Variants in CEP120 observed in about 807,000 individuals in gnomAD.
CEP120 encodes centrosomal protein 120, also known as centrosomal protein of 120 kDa.
A neutral mutation model predicts 126.5 loss-of-function variants in CEP120; 113 were observed. That is an observed-to-expected ratio of 0.89 (90% confidence interval 0.77 to 1.04). CEP120 has a LOEUF of 1.04. CEP120 is among the 50% of genes least tolerant of loss of function. The pLI, the probability that CEP120 is intolerant of heterozygous loss-of-function variation, is 0.00. For synonymous variants in CEP120, 400 were observed against 394.3 expected (o/e 1.01, Z -0.17); for missense variants, 1,230 against 1,155.7 (o/e 1.06, Z -0.93).
rs917065381 is a variant in CEP120, at chr5:123,423,117, C to G, written c.-119G>C. 6.1e-6 allele frequency: 5 copies of G among 815,526 alleles called. No homozygotes were observed. The highest frequency in any genetic ancestry group is 6.1e-6 in the Non-Finnish European group (3 of 488,016). The allele number at this position is 815,526 out of a possible 1,614,324, so 50.5% of individuals were successfully genotyped here. A position where few individuals can be genotyped will look rare whatever the true frequency, so the allele number is the denominator to read the frequency against. ...CTGCCCGCCCCCGGTCCCTGATGCC[C>G]GGACCCCGCTCCGCAGCCAGGTCCC... On this transcript the variant is annotated 5_prime_UTR_variant, in exon 1 of 20. Transcript: ENST00000306467.
intron 4 of CEP120, among the ~76,000 whole-genome samples, chr5:123,402,799 T>G (rs1352694520): frequency 6.6e-6 from 1 of 152,372 alleles, no homozygotes; most frequent in Middle Eastern, 3.4e-3. Flanking sequence ...GTGTTGAAAC[T>G]TAATGGCCAA....
chr5:123,384,904 C>A, intron 11 of CEP120, 47 bp downstream of exon 11: 2 of 1,481,878 alleles, frequency 1.3e-6, no homozygotes, highest in Non-Finnish European at 1.8e-6. Flanking sequence ...AAAATCATTC[C>A]ATGAATTGAA....
intron 4 of CEP120, chr5:123,401,911 T>G: frequency 6.4e-7 from 1 of 1,557,428 alleles, no homozygotes; most frequent in South Asian, 1.1e-5. Flanking sequence ...CTAAGGTTGT[T>G]GATGTAGCTC....
chr5:123,403,877 T>C (rs1211670601), intron 4 of CEP120: 1 of 196,870 alleles, frequency 5.1e-6, no homozygotes, highest in Non-Finnish European at 1.1e-5. Context: ...TACACAGATA[T>C]AACAATTCAA....
intron 18 of CEP120, among the ~76,000 whole-genome samples, chr5:123,362,507 G>A (rs538274206): frequency 9.9e-5 from 15 of 151,754 alleles, no homozygotes; most frequent in Middle Eastern, 3.4e-3. Context: ...AAGTAACTGC[G>A]GTTTTTGCCG....
At chr5:123,386,768 G>C in intron 9 of CEP120, 101 bp from the exon 10 acceptor site, 1 of 880,248 alleles carries the variant, frequency 1.1e-6, no homozygotes, top group Non-Finnish European at 1.6e-6. Context: ...TGAATATTAT[G>C]AGCAAATACA....
At chr5:123,376,079 A>T (rs1050432333) in intron 16 of CEP120, among the ~76,000 whole-genome samples, 3 of 152,058 alleles carry the variant, frequency 2.0e-5, no homozygotes, top group African/African-American at 7.2e-5. Context: ...TATAAACCAG[A>T]ACAGTTTTTA....
chr5:123,360,042 T>C (rs1769959532), intron 18 of CEP120, among the ~76,000 whole-genome samples: 1 of 151,904 alleles, frequency 6.6e-6, no homozygotes, highest in African/African-American at 2.4e-5. Context: ...ATGTGACAAA[T>C]TACTGGCAGA....
At position 123,350,065 on chromosome 5, in the gene CEP120, G is replaced by C. The variant is rs371666277; in HGVS notation, c.2605C>G (p.Arg869Gly). The C allele has an allele frequency of 6.2e-7, 1 of 1,612,008 alleles. No individual in the cohort carries two copies. ...KQREQESQMA[R>G]LKKQQEELEQ... ...AATTCTTCCTGCTGTTTTTTAAGAC[G>C]AGCCATTTGACTTTCTTGCTCCCTC... is the stretch of plus-strand genomic sequence containing the variant. Residue 869 changes from arginine (R) to glycine (G), a missense_variant, in exon 19 of 20, where the codon CGT becomes GGT. Physicochemically the swap from Arg to Gly is moderately radical, Grantham distance 125. Coordinates refer to ENST00000306467, the MANE Select transcript of CEP120 (RefSeq NM_001375405.1).
Position 123,377,379 on chromosome 5 carries a change from G to A in CEP120, c.2353C>T (p.Gln785Ter). 1 of 1,607,120 alleles carries A rather than the reference G, an allele frequency of 6.2e-7. No individual in the cohort carries two copies. Among genetic ancestry groups the A allele is most frequent in the South Asian group, 1.1e-5 (1 of 89,130 alleles). The change falls in exon 16 of 20, where the codon CAA becomes TAA. Residue 785 changes from glutamine to a stop codon, truncating the protein, a stop_gained. Coordinates refer to ENST00000306467, the MANE Select transcript of CEP120 (RefSeq NM_001375405.1). LOFTEE classifies it high-confidence loss of function. ...TGACAAGTACGTTATCCAACCTGTT[G>A]CTGAAGGCGGTGTTTATCCTCTTCG... ...QLEEDKHRLQ[Q>*]QLNDAENKYK...
At chr5:123,421,112 G>C (rs1003293119) in intron 1 of CEP120, among the ~76,000 whole-genome samples, 2 of 152,156 alleles carry the variant, frequency 1.3e-5, no homozygotes, top group Non-Finnish European at 2.9e-5. Flanking sequence ...ATTCTATTTA[G>C]GAATATATGC....
chr5:123,412,416 G>T lies in CEP120; in HGVS notation c.446C>A (p.Pro149His), dbSNP rs745588862. The T allele has an allele frequency of 1.0e-5, 16 of 1,602,674 alleles. No individual in the cohort carries two copies. Among genetic ancestry groups the T allele is most frequent in the Non-Finnish European group, 1.4e-5 (16 of 1,176,446 alleles). The change falls in exon 4 of 20, where the codon CCC becomes CAC. Residue 149 changes from proline (P) to histidine (H), a missense_variant. Transcript: ENST00000306467. ...GCACAAACCTTTTCCATCTCGAGGGGGAGCCCCCTTTGCTTTAAAGCTATC... is the reference window on the plus strand; with the variant it reads ...GCACAAACCTTTTCCATCTCGAGGGTGAGCCCCCTTTGCTTTAAAGCTATC... The part of the protein sequence containing the change: ...PVDSFKAKGA[P>H]PRDGKVPAIL...
At chr5:123,349,014 A>G (rs1025749118) in intron 19 of CEP120, among the ~76,000 whole-genome samples, 1 of 152,198 alleles carries the variant, frequency 6.6e-6, no homozygotes, top group Non-Finnish European at 1.5e-5. Context: ...CTTTGCTCAA[A>G]GAAAAATATA....
chr5:123,418,539 T>C, intron 1 of CEP120, 24 bp from the exon 2 acceptor site: 3 of 1,531,270 alleles, frequency 2.0e-6, no homozygotes, highest in Non-Finnish European at 2.7e-6. Flanking sequence ...ATATATAGAT[T>C]AATCAAAAGT....
rs866176494 is a variant in CEP120, at chr5:123,377,419, T to TAA, written c.2311_2312dup (p.Leu771PhefsTer2). ...TATCCTCTTCGAGCTGTTTGATTTT[T>TAA]AACCTTTCTAGTTCTACTTGGTGAA... On this transcript the variant is annotated frameshift_variant, in exon 16 of 20. Transcript: ENST00000306467. LOFTEE classifies it high-confidence loss of function. 6.2e-7 allele frequency: 1 copy of TAA among 1,611,306 alleles called. No homozygotes were observed. Among genetic ancestry groups the TAA allele is most frequent in the Non-Finnish European group, 8.5e-7 (1 of 1,179,198 alleles).
chr5:123,367,693 T>C (rs1770563450), intron 17 of CEP120, among the ~76,000 whole-genome samples: 2 of 152,064 alleles, frequency 1.3e-5, no homozygotes, highest in South Asian at 2.1e-4. Flanking sequence ...GGATAAGGGA[T>C]ATGCAACCTG....
intron 16 of CEP120, among the ~76,000 whole-genome samples, chr5:123,377,000 T>C (rs1481129505): frequency 6.6e-6 from 1 of 152,076 alleles, no homozygotes; most frequent in African/African-American, 2.4e-5. Flanking sequence ...GTGTTGATGA[T>C]ACCAATCAGT....
chr5:123,391,472 G>C, intron 6 of CEP120, 135 bp from the exon 7 acceptor site: 3 of 651,230 alleles, frequency 4.6e-6, no homozygotes, highest in East Asian at 2.8e-5. Context: ...TTGACCTCAA[G>C]TGACGAAGTA....
chr5:123,375,188 C>T (rs551526293), intron 16 of CEP120, among the ~76,000 whole-genome samples: 1 of 152,074 alleles, frequency 6.6e-6, no homozygotes, highest in South Asian at 2.1e-4. Flanking sequence ...CCCTTTTTTT[C>T]CCCCAGGTTT....
Sources: allele counts gnomAD v4.1 joint callset (sites outside exome capture counted in the v4.1 genomes callset), GRCh38; gene constraint gnomAD v4.1.1; transcripts MANE v1.5; gene names NCBI Gene and HGNC (gene_info 2026-07-23, HGNC 2026-07-21).